The following RAB3GAP2 variants were observed in gnomAD, a reference collection of about 807,000 sequenced individuals.
The protein encoded by RAB3GAP2 is rab3 GTPase-activating protein non-catalytic subunit.
A neutral mutation model predicts 185.3 loss-of-function variants in RAB3GAP2; 87 were observed. The ratio of observed to expected loss-of-function variants is 0.47; its 90% confidence interval spans 0.39 to 0.56. RAB3GAP2 has a LOEUF of 0.56. Among genes scored for constraint, RAB3GAP2 ranks in the 20% least tolerant of loss-of-function variants. The probability of loss-of-function intolerance (pLI) is 0.00; values close to 1 mark genes in which losing one functional copy is unlikely to be tolerated. For synonymous variants in RAB3GAP2, 554 were observed against 576.1 expected, an observed-to-expected ratio of 0.96 and a Z score of 0.55; for missense variants, 1,492 against 1,638.2, an observed-to-expected ratio of 0.91 and a Z score of 1.54.
At chr1:220,251,518 T>C (rs759268510) in intron 1 of RAB3GAP2, among the ~76,000 whole-genome samples, 55 of 152,228 alleles carry the variant, frequency 3.6e-4, no homozygotes, top group Non-Finnish European at 3.7e-4. Context: ...ACTTGACTGA[T>C]ACACATTGAA....
At chr1:220,268,004 CAAGT>C (rs929402242) in intron 1 of RAB3GAP2, 4 of 535,164 alleles carry the variant, frequency 7.5e-6, no homozygotes, top group African/African-American at 5.7e-5. Flanking sequence ...CTATAATTCA[CAAGT>C]AATTGAGGTG....
chr1:220,154,011 G>C lies in RAB3GAP2; in HGVS notation c.3602C>G (p.Pro1201Arg). The change falls in exon 32 of 35, where the codon CCT becomes CGT. Residue 1201 changes from proline (P) to arginine (R), a missense_variant. Pro to Arg is a moderately radical substitution (Grantham distance 103). Around this residue, in one of 5 missense-constraint regions of RAB3GAP2, gnomAD observed 387 missense variants for 455.3 expected, o/e 0.85. Coordinates refer to ENST00000358951, the MANE Select transcript of RAB3GAP2 (RefSeq NM_012414.4). Reference protein sequence around the residue: ...FKDLTSIQLLPSGEMDPNFIS... With the variant: ...FKDLTSIQLLRSGEMDPNFIS... ...AAAATTTGGATCCATTTCCCCACTA[G>C]GTAATAACTGAATTGAAGTTAGGTC... 6.2e-7 allele frequency: 1 copy of C among 1,613,344 alleles called. No homozygotes were observed. The highest frequency in any genetic ancestry group is 8.5e-7 in the Non-Finnish European group (1 of 1,179,774).
In RAB3GAP2 at chr1:220,149,920, C is replaced by T. The variant is rs1017964972; in HGVS notation, c.*1331G>A. On this transcript the variant is annotated 3_prime_UTR_variant, in exon 35 of 35. Coordinates refer to ENST00000358951, the MANE Select transcript of RAB3GAP2 (RefSeq NM_012414.4). ...TTTGCATGATTACTATAGTTGGCTTCTTAAGGGGAAGTGAAGAAACAAACT... is the reference window on the plus strand; with the variant it reads ...TTTGCATGATTACTATAGTTGGCTTTTTAAGGGGAAGTGAAGAAACAAACT... The T allele has an allele frequency of 6.6e-5, 10 of 152,040 alleles. No individual in the cohort carries two copies. Among genetic ancestry groups the T allele is most frequent in the Non-Finnish European group, 1.5e-4 (10 of 68,014 alleles). 9.4% of individuals were successfully genotyped at this position (152,040 alleles called of 1,614,324 possible). A position where few individuals can be genotyped will look rare whatever the true frequency, so the allele number is the denominator to read the frequency against.
At chr1:220,186,566 AC>A (rs2102867268) in intron 17 of RAB3GAP2, among the ~76,000 whole-genome samples, 1 of 152,228 alleles carries the variant, frequency 6.6e-6, no homozygotes, top group African/African-American at 2.4e-5. Context: ...GACAAGCATA[AC>A]CTGCTCCAGT....
chr1:220,151,547 C>G lies in RAB3GAP2; in HGVS notation c.4026+59G>C, dbSNP rs2789790. 8.3e-3 allele frequency: 13,128 copies of G among 1,585,702 alleles called. 857 individuals carry two copies. In the African/African-American group the frequency reaches 0.15, roughly 18 times the overall value. On this transcript the variant is annotated intron_variant, in intron 34 of 34. Coordinates refer to ENST00000358951, the MANE Select transcript of RAB3GAP2 (RefSeq NM_012414.4). ...AAATTTTCTTCATAACTGTTATTAA[C>G]CAGGCACTCAAGAAAACATCCAATG...
chr1:220,245,600 C>T (rs1339760304), intron 1 of RAB3GAP2, among the ~76,000 whole-genome samples: 11 of 152,026 alleles, frequency 7.2e-5, no homozygotes, highest in South Asian at 4.2e-4. Flanking sequence ...GAGGGGCGCC[C>T]GCCATTGCCC....
At chr1:220,174,354 C>T (rs958587034) in intron 21 of RAB3GAP2, among the ~76,000 whole-genome samples, 6 of 152,098 alleles carry the variant, frequency 3.9e-5, no homozygotes, top group African/African-American at 1.4e-4. Context: ...CATACCAGCT[C>T]CCTTTTTACC....
At chr1:220,269,291 T>C (rs1660289383) in intron 1 of RAB3GAP2, among the ~76,000 whole-genome samples, 1 of 152,126 alleles carries the variant, frequency 6.6e-6, no homozygotes, top group Non-Finnish European at 1.5e-5. Flanking sequence ...AAAAAGAGCG[T>C]CTGAAGCATA....
chr1:220,243,707 A>G (rs935876659), intron 1 of RAB3GAP2, among the ~76,000 whole-genome samples: 1 of 152,210 alleles, frequency 6.6e-6, no homozygotes, highest in Non-Finnish European at 1.5e-5. Context: ...CACAGTCTCT[A>G]TTAGCATAAC....
rs982529713 is a variant in RAB3GAP2, at chr1:220,207,218, G to T, written c.613-1212C>A. Reference sequence around the variant, plus strand: ...CTTTAGTGTAAATTCCTTCAAGTGGGTCTGTTGGGTCATACAGTATTCACA... The same window carrying T: ...CTTTAGTGTAAATTCCTTCAAGTGGTTCTGTTGGGTCATACAGTATTCACA... On this transcript the variant is annotated intron_variant, in intron 7 of 34. Transcript: ENST00000358951. Among the ~76,000 whole-genome samples the T allele has an allele frequency of 2.0e-5, 3 of 152,032 alleles. 1 individual carries two copies. The highest frequency in any genetic ancestry group is 4.1e-4 in the South Asian group (2 of 4,822).
chr1:220,169,583 G>A (rs905417623), intron 24 of RAB3GAP2, among the ~76,000 whole-genome samples: 2 of 152,156 alleles, frequency 1.3e-5, no homozygotes, highest in Admixed American at 6.5e-5. Flanking sequence ...GGAAGCACAC[G>A]GATGCTTCAT....
intron 7 of RAB3GAP2, among the ~76,000 whole-genome samples, chr1:220,207,278 G>T (rs766708079): frequency 1.3e-5 from 2 of 152,100 alleles, no homozygotes; most frequent in Non-Finnish European, 2.9e-5. Flanking sequence ...TTGCCTCAAA[G>T]AGTACCTATC....
intron 1 of RAB3GAP2, among the ~76,000 whole-genome samples, chr1:220,248,768 G>A (rs185113665): frequency 1.3e-5 from 2 of 152,154 alleles, no homozygotes; most frequent in Admixed American, 1.3e-4. Flanking sequence ...ATGTGCCATG[G>A]GAGAGACCCA....
At chr1:220,154,273 C>T (rs567798660) in intron 31 of RAB3GAP2, 1 of 567,470 alleles carries the variant, frequency 1.8e-6, no homozygotes, top group African/African-American at 1.9e-5. Flanking sequence ...ATTCGTGTTT[C>T]CTATAGTCTC....
At chr1:220,176,849 C>T (rs567216000) in intron 21 of RAB3GAP2, among the ~76,000 whole-genome samples, 1 of 152,302 alleles carries the variant, frequency 6.6e-6, no homozygotes, top group African/African-American at 2.4e-5. Flanking sequence ...ATGAGACACA[C>T]CAGCCTCCAT....
chr1:220,206,455 T>C (rs1304110101), intron 7 of RAB3GAP2, among the ~76,000 whole-genome samples: 2 of 152,200 alleles, frequency 1.3e-5, no homozygotes, highest in Admixed American at 1.3e-4. Flanking sequence ...AATGATATTT[T>C]TCCATTTCAA....
Position 220,151,314 on chromosome 1 carries a change from C to T in RAB3GAP2, c.4119G>A (p.Gly1373=), listed in dbSNP as rs763962470. Residue 1373 remains glycine, a synonymous_variant, in exon 35 of 35, where the codon GGG becomes GGA. Coordinates refer to ENST00000358951, the MANE Select transcript of RAB3GAP2 (RefSeq NM_012414.4). ...TGAGGTGTAAGGCTAGACCATATTG[C>T]CCATGTTTTTCTGGTAAAAGCTCAA... ...KVIELLPEKH[G]QYGLALHLIE... 2 of 1,613,974 alleles carry T rather than the reference C, an allele frequency of 1.2e-6. No homozygotes were observed. The highest frequency in any genetic ancestry group is 1.7e-5 in the Admixed American group (1 of 60,008).
chr1:220,182,289 C>T lies in RAB3GAP2; in HGVS notation c.2278G>A (p.Glu760Lys). The change falls in exon 21 of 35, where the codon GAG (glutamate) becomes AAG (lysine). Residue 760 changes from glutamate (E) to lysine (K), a missense_variant. Transcript: ENST00000358951. ...SSTEDMCHTL[E>K]SAGLSPQLLL... is the part of the protein sequence containing the mutation. ...AGCTGAGGGCTAAGACCAGCCGACT[C>T]CAAAGTGTGACACATATCCTCAGTG... 1 of 1,614,046 alleles carries T rather than the reference C, an allele frequency of 6.2e-7. No individual in the cohort carries two copies. The highest frequency in any genetic ancestry group is 8.5e-7 in the Non-Finnish European group (1 of 1,180,000).
Position 220,211,115 on chromosome 1 carries a change from T to G in RAB3GAP2, c.387-113A>C, listed in dbSNP as rs1366404857. Reference sequence around the variant, plus strand: ...CTGGAAGATGACTTCTGTGAACCAGTTTTATTTGATGCATAAGTAAAAATA... The same window carrying G: ...CTGGAAGATGACTTCTGTGAACCAGGTTTATTTGATGCATAAGTAAAAATA... On this transcript the variant is annotated intron_variant, in intron 4 of 34. Coordinates refer to ENST00000358951, the MANE Select transcript of RAB3GAP2 (RefSeq NM_012414.4). The G allele has an allele frequency of 5.1e-6, 5 of 978,100 alleles. No individual in the cohort carries two copies. The African/African-American group carries it at 6.5e-5, about 13-fold the overall frequency. The allele number at this position is 978,100 out of a possible 1,614,324, so 60.6% of individuals were successfully genotyped here. A position where few individuals can be genotyped will look rare whatever the true frequency, so the allele number is the denominator to read the frequency against.
Sources: gnomAD v4.1 joint callset for allele counts (sites outside exome capture counted in the v4.1 genomes callset) on GRCh38, gnomAD v4.1.1 for gene constraint, gnomAD v4.1.1 regional missense constraint, MANE v1.5 for transcripts, NCBI Gene and HGNC (gene_info 2026-07-23, HGNC 2026-07-21) for gene names.